Variants in EGF observed in about 807,000 individuals in gnomAD.
The protein encoded by EGF is pro-epidermal growth factor.
EGF carries 95 observed loss-of-function variants against 143.8 expected under a neutral mutation model. That is an observed-to-expected ratio of 0.66 (90% confidence interval 0.56 to 0.78). The LOEUF is 0.78. Among genes scored for constraint, EGF ranks in the 30% least tolerant of loss-of-function variants. The pLI is 0.00. For missense variants in EGF, 1,320 were observed against 1,470.9 expected, an observed-to-expected ratio of 0.90 and a Z score of 1.68; for synonymous variants, 510 against 510.5, an observed-to-expected ratio of 1.00 and a Z score of 0.01.
intron 5 of EGF, among the ~76,000 whole-genome samples, chr4:109,958,917 CAAAAAAAAAAA>C (rs57909689): frequency 1.0e-5 from 1 of 98,594 alleles, no homozygotes; most frequent in Non-Finnish European, 2.1e-5. Context: ...GACCCTGTCT[CAAAAAAAAAAA>C]AAAAAAAAAA....
At chr4:109,923,119 G>T (rs1579453131) in intron 1 of EGF, among the ~76,000 whole-genome samples, 1 of 151,154 alleles carries the variant, frequency 6.6e-6, no homozygotes, top group Admixed American at 6.6e-5. Context: ...TTTTTAAATA[G>T]TTAATCTTGC....
At position 109,959,390 on chromosome 4, in the gene EGF, T is replaced by C. The variant is rs1167932145; in HGVS notation, c.1019T>C (p.Met340Thr). The C allele has an allele frequency of 6.2e-7, 1 of 1,613,332 alleles. No homozygotes were observed. Among genetic ancestry groups the C allele is most frequent in the South Asian group, 1.1e-5 (1 of 91,080 alleles). Residue 340 changes from methionine to threonine, a missense_variant, in exon 6 of 24, where the codon ATG becomes ACG. Around this residue, in one of 5 missense-constraint regions of EGF, gnomAD observed 1,186 missense variants for 1,313.7 expected, o/e 0.90. Transcript: ENST00000265171. ...CGQDLQSHLCMCAEGYALSRD... is the reference protein window; with the variant it reads ...CGQDLQSHLCTCAEGYALSRD... ...CAAGACCTCCAGTCACACTTGTGCA[T>C]GTGTGCAGAGGGATACGCCCTAAGT... is the stretch of plus-strand genomic sequence containing the variant.
rs1024139619 is a variant in EGF at position 110,012,863 on chromosome 4, A to G, written c.*1408A>G. Among the ~76,000 whole-genome samples, 1 of 152,192 alleles carries G rather than the reference A, an allele frequency of 6.6e-6. No homozygotes were observed. The highest frequency in any genetic ancestry group is 2.4e-5 in the African/African-American group (1 of 41,448). On this transcript the variant is annotated 3_prime_UTR_variant, in exon 24 of 24. Transcript: ENST00000265171. ...CTTTAAATTTTGGGGGCTTTGAATC[A>G]TTCAGTTTATGCATTAACTAGTCCC...
chr4:109,970,651 C>T (rs571102649), intron 11 of EGF, among the ~76,000 whole-genome samples: 5 of 151,782 alleles, frequency 3.3e-5, no homozygotes, highest in East Asian at 3.9e-4. Context: ...ATGGTGAAAC[C>T]CCGTCTCTAC....
intron 1 of EGF, among the ~76,000 whole-genome samples, chr4:109,934,597 T>C (rs1740416473): frequency 6.6e-6 from 1 of 152,364 alleles, no homozygotes; most frequent in African/African-American, 2.4e-5. Flanking sequence ...TGGCTTTTGT[T>C]GCCATTGCTT....
chr4:109,993,117 AT>A (rs1382728761), intron 18 of EGF, 129 bp from the exon 19 acceptor site: 24 of 1,016,092 alleles, frequency 2.4e-5, no homozygotes, highest in African/African-American at 1.8e-4. Context: ...TATTAAAAAA[AT>A]ATATAGGTCT....
chr4:109,959,656 A>G (rs1180443483), intron 6 of EGF, among the ~76,000 whole-genome samples: 2 of 152,132 alleles, frequency 1.3e-5, no homozygotes, highest in African/African-American at 2.4e-5. Context: ...CTATCTTCAT[A>G]TCTTGTGTTT....
At chr4:110,007,037 A>G (rs1753399334) in intron 22 of EGF, among the ~76,000 whole-genome samples, 1 of 152,206 alleles carries the variant, frequency 6.6e-6, no homozygotes, top group Non-Finnish European at 1.5e-5. Flanking sequence ...AATAATGGGC[A>G]TGTGTCTTTA....
intron 1 of EGF, among the ~76,000 whole-genome samples, chr4:109,914,048 C>A (rs1176528547): frequency 6.6e-6 from 1 of 152,170 alleles, no homozygotes; most frequent in Non-Finnish European, 1.5e-5. Flanking sequence ...TGCATTGCAA[C>A]TTTAAGAACT....
rs758014555 is a variant in EGF at position 110,011,480 on chromosome 4, A to G, written c.*25A>G. 1 of 1,614,178 alleles carries G rather than the reference A, an allele frequency of 6.2e-7. No homozygotes were observed. The highest frequency in any genetic ancestry group is 1.1e-5 in the South Asian group (1 of 91,084). The stretch of plus-strand genomic sequence containing the variant: ...AAAACTGGAATTAAAAGGAAAGTCA[A>G]GAAGAATGAACTATGTCGATGCACA... On this transcript the variant is annotated 3_prime_UTR_variant, in exon 24 of 24. Coordinates refer to ENST00000265171, the MANE Select transcript of EGF (RefSeq NM_001963.6).
In EGF at chr4:109,945,259, T is replaced by C. The variant is rs140068596; in HGVS notation, c.924T>C (p.Asp308=). The change falls in exon 5 of 24, where the codon GAT becomes GAC. Residue 308 remains aspartate, a synonymous_variant. Coordinates refer to ENST00000265171, the MANE Select transcript of EGF (RefSeq NM_001963.6). ...CACTTGCACAACCCAAGGCAGAAGATGACACTTGGGAGCCTGGTGAGTCAT... is the reference window on the plus strand; with the variant it reads ...CACTTGCACAACCCAAGGCAGAAGACGACACTTGGGAGCCTGGTGAGTCAT... The part of the protein sequence containing the change: ...VHPLAQPKAE[D]DTWEPEQKLC... 1 of 1,613,852 alleles carries C rather than the reference T, an allele frequency of 6.2e-7. No homozygotes were observed. Among genetic ancestry groups the C allele is most frequent in the Non-Finnish European group, 8.5e-7 (1 of 1,179,976 alleles).
At chr4:109,931,681 C>T (rs922427892) in intron 1 of EGF, among the ~76,000 whole-genome samples, 3 of 152,150 alleles carry the variant, frequency 2.0e-5, no homozygotes, top group African/African-American at 7.2e-5. Context: ...AAAGCATAGC[C>T]CTCAGCCCAG....
intron 23 of EGF, among the ~76,000 whole-genome samples, chr4:110,009,607 G>C (rs1383916272): frequency 6.6e-6 from 1 of 152,000 alleles, no homozygotes; most frequent in Admixed American, 6.6e-5. Flanking sequence ...CAAACAATTT[G>C]ACCCATTCTC....
At chr4:109,990,661 G>A (rs1362626117) in intron 18 of EGF, among the ~76,000 whole-genome samples, 1 of 152,274 alleles carries the variant, frequency 6.6e-6, no homozygotes, top group East Asian at 1.9e-4. Flanking sequence ...CTGGAGGCTC[G>A]AAGTCCTAGA....
chr4:110,011,076 T>C (rs1027862334), intron 23 of EGF, 126 bp from the exon 24 acceptor site: 24 of 1,150,542 alleles, frequency 2.1e-5, no homozygotes, highest in Non-Finnish European at 1.6e-5. Flanking sequence ...TCTAGAGTAG[T>C]TTGAAAATGG....
intron 23 of EGF, among the ~76,000 whole-genome samples, chr4:110,009,647 C>A (rs1753755118): frequency 6.6e-6 from 1 of 152,106 alleles, no homozygotes; most frequent in Non-Finnish European, 1.5e-5. Flanking sequence ...TATCTCCCAG[C>A]ATGAGTGATC....
intron 8 of EGF, 24 bp downstream of exon 8, chr4:109,962,009 C>T (rs1237724291): frequency 2.5e-6 from 4 of 1,612,572 alleles, no homozygotes; most frequent in Non-Finnish European, 1.7e-6. Context: ...CTTTATTTAC[C>T]TTTTGTTTGT....
At chr4:109,996,106 T>A (rs1224828117) in intron 20 of EGF, among the ~76,000 whole-genome samples, 1 of 152,142 alleles carries the variant, frequency 6.6e-6, no homozygotes, top group Admixed American at 6.5e-5. Flanking sequence ...ATTACAAAAA[T>A]AAATGTCCGA....
At chr4:109,945,024 A>G (rs1742592247) in intron 4 of EGF, 49 bp from the exon 5 acceptor site, 2 of 1,586,554 alleles carry the variant, frequency 1.3e-6, no homozygotes, top group Non-Finnish European at 1.7e-6. Flanking sequence ...CTAATAAGAC[A>G]AGGAACAAAT....
Sources: gnomAD v4.1 joint callset for allele counts (sites outside exome capture counted in the v4.1 genomes callset) on GRCh38, gnomAD v4.1.1 for gene constraint, gnomAD v4.1.1 regional missense constraint, MANE v1.5 for transcripts, NCBI Gene and HGNC (gene_info 2026-07-23, HGNC 2026-07-21) for gene names.